Variants in ZNF77 observed in about 807,000 individuals in gnomAD.
The protein encoded by ZNF77 is zinc finger protein 77, also known as ZNFpT1.
A neutral mutation model predicts 13.5 loss-of-function variants in ZNF77; 15 were observed. The observed-to-expected ratio is 1.11, with a 90% CI of 0.74 to 1.71. ZNF77 has a LOEUF of 1.71. Among genes scored for constraint, ZNF77 ranks in the 40% most tolerant of loss-of-function variants. ZNF77 has a pLI of 0.00. For synonymous variants in ZNF77, 282 were observed against 250.0 expected, an observed-to-expected ratio of 1.13 and a Z score of -1.21; for missense variants, 717 against 676.4, an observed-to-expected ratio of 1.06 and a Z score of -0.67.
rs1411071699 is a variant in ZNF77, at chr19:2,933,965, C to G, written c.1162G>C (p.Ala388Pro). The G allele has an allele frequency of 1.9e-6, 3 of 1,613,376 alleles. No homozygotes were observed. The highest frequency in any genetic ancestry group is 2.5e-6 in the Non-Finnish European group (3 of 1,179,852). The change falls in exon 4 of 4, where the codon GCC becomes CCC. Residue 388 changes from alanine to proline, a missense_variant. Coordinates refer to ENST00000314531, the MANE Select transcript of ZNF77 (RefSeq NM_021217.3). ...CTAAAGTAAGTGGGACATCCGAAGG[C>G]CTTCCCACACTGCTTGCACACATAG... ...KPYVCKQCGKAFGCPTYFRRH... is the reference protein window; with the variant it reads ...KPYVCKQCGKPFGCPTYFRRH...
At chr19:2,941,886 G>T (rs561725435) in intron 1 of ZNF77, among the ~76,000 whole-genome samples, 14 of 151,876 alleles carry the variant, frequency 9.2e-5, no homozygotes, top group Non-Finnish European at 1.5e-4. Context: ...ATGGCATGGG[G>T]CTGTGTGTGC....
chr19:2,942,269 C>A (rs1406995314), intron 1 of ZNF77, among the ~76,000 whole-genome samples: 1 of 151,768 alleles, frequency 6.6e-6, no homozygotes, highest in Non-Finnish European at 1.5e-5. Context: ...ACGGGGTTTC[C>A]CCATGTCAAT....
rs1262938396 is a variant in ZNF77, at chr19:2,938,771, ACG to A, written c.130+508_130+509del. On this transcript the variant is annotated intron_variant, in intron 2 of 3. Transcript: ENST00000314531. ...GGAGATCGAGACCATCCTGGCTAACACGGTGAAACCCCATCTCTACTAAAGCT... is the reference window on the plus strand; with the variant it reads ...GGAGATCGAGACCATCCTGGCTAACAGTGAAACCCCATCTCTACTAAAGCT... Among the ~76,000 whole-genome samples the A allele has an allele frequency of 1.1e-4, 16 of 152,214 alleles. No individual in the cohort carries two copies. The East Asian group carries it at 1.5e-3, about 15-fold the overall frequency.
Position 2,934,719 on chromosome 19 carries a change from A to G in ZNF77, c.408T>C (p.Pro136=). The G allele has an allele frequency of 6.2e-7, 1 of 1,614,174 alleles. No homozygotes were observed. The highest frequency in any genetic ancestry group is 1.1e-5 in the South Asian group (1 of 91,084). ...TANLLVHKSY[P]TEAKPSECTK... ...TGCACTCAGAGGGTTTAGCTTCGGT[A>G]GGGTAACTCTTGTGCACAAGAAGGT... Residue 136 remains proline (P), a synonymous_variant, in exon 4 of 4, where the codon CCT becomes CCC. Transcript: ENST00000314531.
chr19:2,936,823 GA>G, intron 2 of ZNF77, 119 bp from the exon 3 acceptor site: 1 of 928,028 alleles, frequency 1.1e-6, no homozygotes, highest in Non-Finnish European at 1.6e-6. Flanking sequence ...AGGAAGAATA[GA>G]CATGCTATCA....
chr19:2,939,605 G>T, intron 1 of ZNF77, 198 bp from the exon 2 acceptor site: 3 of 635,898 alleles, frequency 4.7e-6, no homozygotes, highest in Non-Finnish European at 7.9e-6. Context: ...CGCAATGACG[G>T]CCTCTGCCAG....
In ZNF77 at chr19:2,934,507, C is replaced by A; in HGVS notation, c.620G>T (p.Ser207Ile). ...TASVTYVKSL[S>I]SKKSYECQKC... The stretch of plus-strand genomic sequence containing the variant: ...CTGACATTCATAAGACTTTTTACTG[C>A]TGAGACTTTTCACGTATGTCACAGA... Residue 207 changes from serine to isoleucine, a missense_variant, in exon 4 of 4, where the codon AGC (serine) becomes ATC (isoleucine). Coordinates refer to ENST00000314531, the MANE Select transcript of ZNF77 (RefSeq NM_021217.3). 2 of 1,614,206 alleles carry A rather than the reference C, an allele frequency of 1.2e-6. No homozygotes were observed. The highest frequency in any genetic ancestry group is 1.7e-6 in the Non-Finnish European group (2 of 1,180,042).
Position 2,934,117 on chromosome 19 carries a change from G to T in ZNF77, c.1010C>A (p.Ser337Ter). 1 of 1,613,930 alleles carries T rather than the reference G, an allele frequency of 6.2e-7. No individual in the cohort carries two copies. The highest frequency in any genetic ancestry group is 8.5e-7 in the Non-Finnish European group (1 of 1,179,994). Residue 337 changes from serine to a stop codon, truncating the protein, a stop_gained, in exon 4 of 4, where the codon TCG becomes TAG. Coordinates refer to ENST00000314531, the MANE Select transcript of ZNF77 (RefSeq NM_021217.3). LOFTEE classifies it low-confidence loss of function (END_TRUNC). ...CGTTCTCCCATGTTCTCGAAGAGAC[G>T]AGTAACAAGTGAACGCTTTTCCGCA... The part of the protein sequence containing the change: ...KHCGKAFTCY[S>*]SLREHGRTHS...
In ZNF77 at chr19:2,938,973, A is replaced by T. The variant is rs577744833; in HGVS notation, c.130+308T>A. 6.4e-4 allele frequency among the ~76,000 whole-genome samples: 97 copies of T among 152,082 alleles called. 1 individual carries two copies. Among genetic ancestry groups the T allele is most frequent in the Non-Finnish European group, 1.2e-3 (79 of 67,942 alleles). ...TCCGTCTCAAAAAAATAAAAAAAAA[A>T]AAAAAGAAAACCAAGGTCTCTTTGC... On this transcript the variant is annotated intron_variant, in intron 2 of 3. Coordinates refer to ENST00000314531, the MANE Select transcript of ZNF77 (RefSeq NM_021217.3).
chr19:2,943,927 C>T (rs2088473563), intron 1 of ZNF77, among the ~76,000 whole-genome samples: 1 of 151,932 alleles, frequency 6.6e-6, no homozygotes, highest in Admixed American at 6.6e-5. Context: ...CCAGGCTGGT[C>T]TGGAACTCCT....
intron 1 of ZNF77, among the ~76,000 whole-genome samples, chr19:2,941,045 C>T (rs893382946): frequency 2.6e-5 from 4 of 151,734 alleles, no homozygotes; most frequent in Non-Finnish European, 4.4e-5. Flanking sequence ...CATGGTGGGG[C>T]ACACCTGGAG....
At chr19:2,941,248 C>T (rs960844758) in intron 1 of ZNF77, among the ~76,000 whole-genome samples, 5 of 147,202 alleles carry the variant, frequency 3.4e-5, no homozygotes, top group South Asian at 4.3e-4. Flanking sequence ...GAGGCCAAGG[C>T]GGGAGGATCA....
At chr19:2,942,712 T>C (rs1005881993) in intron 1 of ZNF77, among the ~76,000 whole-genome samples, 8 of 151,988 alleles carry the variant, frequency 5.3e-5, no homozygotes, top group African/African-American at 1.7e-4. Flanking sequence ...GCCAGGACCC[T>C]CCCTTCCCAT....
intron 2 of ZNF77, among the ~76,000 whole-genome samples, chr19:2,938,467 G>A (rs186796153): frequency 1.8e-4 from 28 of 152,322 alleles, no homozygotes; most frequent in African/African-American, 6.5e-4. Context: ...GCCCCAACGT[G>A]ACACAGAATA....
At chr19:2,942,219 T>A (rs750060175) in intron 1 of ZNF77, among the ~76,000 whole-genome samples, 65 of 151,808 alleles carry the variant, frequency 4.3e-4, no homozygotes, top group Middle Eastern at 3.4e-3. Context: ...TTGCAGGCAC[T>A]TGCCATCACA....
intron 2 of ZNF77, 78 bp from the exon 3 acceptor site, chr19:2,936,782 C>T: frequency 7.4e-7 from 1 of 1,350,128 alleles, no homozygotes. Flanking sequence ...GATTTCTTTT[C>T]ATATAGTAAT....
At chr19:2,942,075 CTTTT>C (rs36016142) in intron 1 of ZNF77, among the ~76,000 whole-genome samples, 1 of 144,060 alleles carries the variant, frequency 6.9e-6, no homozygotes, top group Admixed American at 7.0e-5. Context: ...AGCATTTATT[CTTTT>C]TTTTTTTTTT....
chr19:2,944,847 C>G lies in ZNF77; in HGVS notation c.-7G>C. On this transcript the variant is annotated 5_prime_UTR_variant, in exon 1 of 4. Coordinates refer to ENST00000314531, the MANE Select transcript of ZNF77 (RefSeq NM_021217.3). Reference sequence around the variant, plus strand: ...CCCGCCCGGCACTCACCATGTCCCGCCCGCTCCTGGGCTCTCCAGGGTTAG... The same window carrying G: ...CCCGCCCGGCACTCACCATGTCCCGGCCGCTCCTGGGCTCTCCAGGGTTAG... 1 of 1,526,922 alleles carries G rather than the reference C, an allele frequency of 6.5e-7. No individual in the cohort carries two copies. The highest frequency in any genetic ancestry group is 2.5e-5 in the East Asian group (1 of 39,882). The allele number at this position is 1,526,922 out of a possible 1,614,324, so 94.6% of individuals were successfully genotyped here.
chr19:2,933,265 A>G lies in ZNF77; in HGVS notation c.*224T>C, dbSNP rs1568190542. Reference sequence around the variant, plus strand: ...TTTATTAAATGTTTATATCACAAACATACACTAGAAATTAATACAAAAGGA... The same window carrying G: ...TTTATTAAATGTTTATATCACAAACGTACACTAGAAATTAATACAAAAGGA... On this transcript the variant is annotated 3_prime_UTR_variant, in exon 4 of 4. Coordinates refer to ENST00000314531, the MANE Select transcript of ZNF77 (RefSeq NM_021217.3). 1 of 432,630 alleles carries G rather than the reference A, an allele frequency of 2.3e-6. No homozygotes were observed. Among genetic ancestry groups the G allele is most frequent in the Non-Finnish European group, 4.0e-6 (1 of 248,582 alleles). 26.8% of individuals were successfully genotyped at this position (432,630 alleles called of 1,614,324 possible).
Sources: allele counts gnomAD v4.1 joint callset (sites outside exome capture counted in the v4.1 genomes callset), GRCh38; gene constraint gnomAD v4.1.1; transcripts MANE v1.5; gene names NCBI Gene and HGNC (gene_info 2026-07-23, HGNC 2026-07-21).